The following LINGO2 variants were observed in gnomAD, a reference collection of about 807,000 sequenced individuals.
LINGO2 encodes leucine-rich repeat and immunoglobulin-like domain-containing nogo receptor-interacting protein 2.
LINGO2 carries 14 observed loss-of-function variants against 30.6 expected under a neutral mutation model. The observed-to-expected ratio is 0.46, with a 90% CI of 0.30 to 0.72. The LOEUF is 0.72. Among genes scored for constraint, LINGO2 ranks in the 30% least tolerant of loss-of-function variants. LINGO2 has a pLI of 0.07. For synonymous variants in LINGO2, 317 were observed against 288.5 expected (o/e 1.10, Z -1.00); for missense variants, 729 against 751.7 (o/e 0.97, Z 0.35).
At chr9:29,062,620 G>T in the LINGO2 span, among the ~76,000 whole-genome samples, 3 of 152,108 alleles carry the variant, frequency 2.0e-5, no homozygotes, top group African/African-American at 7.2e-5. Flanking sequence ...ACTTACATGA[G>T]ATGCCTAGAG....
At chr9:28,102,750 G>A (rs1826455078) in intron 4 of LINGO2, among the ~76,000 whole-genome samples, 1 of 151,722 alleles carries the variant, frequency 6.6e-6, no homozygotes, top group African/African-American at 2.4e-5. Flanking sequence ...CATAAAAAAT[G>A]TTCACTAGCC....
chr9:28,607,957 C>T (rs1215621719), intron 1 of LINGO2, among the ~76,000 whole-genome samples: 1 of 151,812 alleles, frequency 6.6e-6, no homozygotes, highest in African/African-American at 2.4e-5. Flanking sequence ...ATAAAATATC[C>T]CAGTTGCATT....
the LINGO2 span, among the ~76,000 whole-genome samples, chr9:28,885,102 T>C: frequency 4.2e-5 from 6 of 142,212 alleles, no homozygotes; most frequent in East Asian, 1.3e-3. Context: ...TCCCCTCCCT[T>C]TGGCTGGCCC....
chr9:28,417,947 C>G (rs1250628403), intron 2 of LINGO2, among the ~76,000 whole-genome samples: 2 of 152,110 alleles, frequency 1.3e-5, no homozygotes, highest in African/African-American at 4.8e-5. Context: ...TCAGAAAACT[C>G]TAATCATTAA....
chr9:28,914,636 T>A, the LINGO2 span, among the ~76,000 whole-genome samples: 6 of 152,134 alleles, frequency 3.9e-5, no homozygotes, highest in Non-Finnish European at 5.9e-5. Context: ...ATTTGCAGGA[T>A]GTGAAACCTC....
intron 3 of LINGO2, among the ~76,000 whole-genome samples, chr9:28,362,335 G>A (rs1440252592): frequency 2.0e-5 from 3 of 152,122 alleles, no homozygotes; most frequent in Non-Finnish European, 4.4e-5. Flanking sequence ...GCTTCAAAAG[G>A]ATTTGAGAGA....
intron 4 of LINGO2, among the ~76,000 whole-genome samples, chr9:28,034,170 C>T (rs1355062554): frequency 3.3e-5 from 5 of 152,164 alleles, no homozygotes; most frequent in East Asian, 3.9e-4. Context: ...CTTGCTGGGG[C>T]GTTCAGCAGC....
At chr9:28,212,859 C>T (rs1820638597) in intron 4 of LINGO2, among the ~76,000 whole-genome samples, 2 of 151,360 alleles carry the variant, frequency 1.3e-5, no homozygotes, top group South Asian at 4.1e-4. Context: ...GAACCAGATA[C>T]ATTTCAATGA....
chr9:28,945,067 T>C, the LINGO2 span, among the ~76,000 whole-genome samples: 1 of 152,136 alleles, frequency 6.6e-6, no homozygotes, highest in Non-Finnish European at 1.5e-5. Flanking sequence ...AACAAAACCT[T>C]TCATGATTAG....
chr9:29,136,667 A>G, the LINGO2 span, among the ~76,000 whole-genome samples: 1 of 152,090 alleles, frequency 6.6e-6, no homozygotes, highest in African/African-American at 2.4e-5. Context: ...TCCACTTATT[A>G]AATATTGCTG....
the LINGO2 span, among the ~76,000 whole-genome samples, chr9:28,994,545 G>C: frequency 1.3e-5 from 2 of 151,220 alleles, no homozygotes. Flanking sequence ...AACCAAAAAA[G>C]AGCCTGCATC....
At position 28,230,703 on chromosome 9, in the gene LINGO2, T is replaced by C. The variant is rs7848353; in HGVS notation, c.-87+64505A>G. 1.4e-3 allele frequency among the ~76,000 whole-genome samples: 214 copies of C among 152,070 alleles called. 2 individuals are homozygous for C. Among genetic ancestry groups the C allele is most frequent in the African/African-American group, 5.0e-3 (209 of 41,570 alleles). The stretch of plus-strand genomic sequence containing the variant: ...TGCAAAAAATCTGCAAATTAATTTG[T>C]AAATAATTTACATTTAGAGAATTTC... On this transcript the variant is annotated intron_variant, in intron 4 of 5. Coordinates refer to ENST00000379992, the Ensembl canonical transcript of LINGO2.
intron 3 of LINGO2, among the ~76,000 whole-genome samples, chr9:28,310,894 T>G (rs1204315493): frequency 3.3e-5 from 5 of 152,184 alleles, no homozygotes; most frequent in African/African-American, 1.2e-4. Flanking sequence ...GAAACTCACA[T>G]CATTCTTTTA....
intron 4 of LINGO2, among the ~76,000 whole-genome samples, chr9:28,014,782 G>A (rs907411987): frequency 2.6e-5 from 4 of 152,008 alleles, no homozygotes; most frequent in African/African-American, 9.7e-5. Flanking sequence ...CTGTGTTGGT[G>A]GTTATAAGAA....
At chr9:28,626,655 G>A (rs745778096) in intron 1 of LINGO2, among the ~76,000 whole-genome samples, 2 of 151,930 alleles carry the variant, frequency 1.3e-5, no homozygotes, top group Admixed American at 6.6e-5. Flanking sequence ...ATTTCTGTAT[G>A]GGTGTCATGC....
At chr9:29,054,126 T>G in the LINGO2 span, among the ~76,000 whole-genome samples, 1 of 152,152 alleles carries the variant, frequency 6.6e-6, no homozygotes, top group African/African-American at 2.4e-5. Flanking sequence ...TTTAATGAGC[T>G]AAAAATTTGT....
At chr9:28,169,648 T>C (rs1828526896) in intron 4 of LINGO2, among the ~76,000 whole-genome samples, 1 of 152,194 alleles carries the variant, frequency 6.6e-6, no homozygotes. Context: ...TAACATTTAT[T>C]GAATGGACAC....
chr9:28,119,947 TAG>T (rs1400713022), intron 4 of LINGO2, among the ~76,000 whole-genome samples: 1 of 152,214 alleles, frequency 6.6e-6, no homozygotes. Context: ...GTTAAAATAC[TAG>T]AGTTTCTTTA....
chr9:28,682,360 C>T, the LINGO2 span, among the ~76,000 whole-genome samples: 2 of 152,088 alleles, frequency 1.3e-5, no homozygotes, highest in Non-Finnish European at 2.9e-5. Flanking sequence ...TATCTGTGGC[C>T]TTGTCAAATA....
Sources: gnomAD v4.1 joint callset for allele counts (sites outside exome capture counted in the v4.1 genomes callset) on GRCh38, gnomAD v4.1.1 for gene constraint, MANE v1.5 for transcripts, NCBI Gene and HGNC (gene_info 2026-07-23, HGNC 2026-07-21) for gene names.